The following PPP1R7 variants were observed in gnomAD, a reference collection of about 807,000 sequenced individuals.
PPP1R7 encodes the protein protein phosphatase 1 regulatory subunit 22.
In PPP1R7, 18 loss-of-function variants were observed where a neutral mutation model predicts 45.2. That is an observed-to-expected ratio of 0.40 (90% CI 0.28 to 0.59). The LOEUF (loss-of-function observed/expected upper bound fraction) is 0.59, where lower values mean the gene tolerates loss of function less well. Among genes scored for constraint, PPP1R7 ranks in the 20% least tolerant of loss-of-function variants. PPP1R7 has a pLI of 0.46. For missense variants in PPP1R7, 314 were observed against 455.8 expected (o/e 0.69, Z 2.83); for synonymous variants, 181 against 183.4 (o/e 0.99, Z 0.11).
upstream of PPP1R7, chr2:241,149,697 C>G: frequency 6.4e-7 from 1 of 1,551,148 alleles, no homozygotes; most frequent in East Asian, 2.4e-5. Flanking sequence ...TCCCGACTCG[C>G]GATCAAAATG....
At chr2:241,158,600 A>G (rs758776654) in intron 4 of PPP1R7, 51 bp downstream of exon 4, 1 of 1,560,566 alleles carries the variant, frequency 6.4e-7, no homozygotes. Context: ...TAGGATGTGG[A>G]TAAGTCCAGA....
intron 8 of PPP1R7, among the ~76,000 whole-genome samples, chr2:241,167,605 A>T (rs2067741817): frequency 6.6e-6 from 1 of 152,246 alleles, no homozygotes; most frequent in Admixed American, 6.5e-5. Context: ...ATCCACCGGG[A>T]GACAGACAAT....
At chr2:241,158,607 C>T in intron 4 of PPP1R7, 58 bp downstream of exon 4, 3 of 1,520,938 alleles carry the variant, frequency 2.0e-6, no homozygotes, top group Non-Finnish European at 2.7e-6. Context: ...TGGATAAGTC[C>T]AGAATCGAGC....
At chr2:241,157,727 G>C in intron 2 of PPP1R7, 80 bp from the exon 3 acceptor site, 1 of 1,411,696 alleles carries the variant, frequency 7.1e-7, no homozygotes, top group Non-Finnish European at 9.9e-7. Context: ...AACAGCCCCA[G>C]ACCTCAGCCA....
upstream of PPP1R7, chr2:241,149,580 C>A (rs2067185537): frequency 7.0e-7 from 1 of 1,430,502 alleles, no homozygotes; most frequent in Non-Finnish European, 9.5e-7. Context: ...AGTCTAGAAG[C>A]CCGCGCTAAG....
rs1375429082 is a variant in PPP1R7, at chr2:241,160,457, A to G, written c.560A>G (p.Gln187Arg). The G allele has an allele frequency of 1.2e-6, 2 of 1,611,626 alleles. No homozygotes were observed. Among genetic ancestry groups the G allele is most frequent in the East Asian group, 4.5e-5 (2 of 44,878 alleles). Residue 187 changes from glutamine (Q) to arginine (R), a missense_variant, in exon 6 of 10, where the codon CAA (glutamine) becomes CGA (arginine). By Grantham distance (43) the Gln-to-Arg change is conservative (BLOSUM62 1). This residue lies in a region of PPP1R7 where 168 missense variants were observed against 285.3 expected (regional missense o/e 0.59). Transcript: ENST00000234038. Reference protein sequence around the residue: ...SKIENLSNLHQLQMLELGSNR... With the variant: ...SKIENLSNLHRLQMLELGSNR... ...ATTGAGAACTTAAGCAACTTACATCAACTACAGATGCTAGAGCTGGGATCT... is the reference window on the plus strand; with the variant it reads ...ATTGAGAACTTAAGCAACTTACATCGACTACAGATGCTAGAGCTGGGATCT...
chr2:241,169,059 A>G (rs2067770055), intron 8 of PPP1R7, among the ~76,000 whole-genome samples: 1 of 152,234 alleles, frequency 6.6e-6, no homozygotes, highest in African/African-American at 2.4e-5. Context: ...CTTAGCTAAC[A>G]TGTATTGGAA....
intron 6 of PPP1R7, among the ~76,000 whole-genome samples, chr2:241,162,556 AAG>A (rs2067617758): frequency 1.3e-5 from 2 of 152,126 alleles, no homozygotes; most frequent in African/African-American, 2.4e-5. Flanking sequence ...GAAACTGGGC[AAG>A]AGGGGCAGAG....
At chr2:241,149,955 G>A, upstream of PPP1R7, 1 of 1,427,230 alleles carries the variant, frequency 7.0e-7, no homozygotes, top group South Asian at 1.5e-5. Flanking sequence ...GCGGCATTTC[G>A]CATGGGTAAA....
intron 7 of PPP1R7, among the ~76,000 whole-genome samples, chr2:241,164,985 T>C (rs1031121979): frequency 6.6e-6 from 1 of 152,002 alleles, no homozygotes; most frequent in Non-Finnish European, 1.5e-5. Context: ...GAGGAGGACA[T>C]TGCAGTGAGC....
chr2:241,161,879 C>T (rs1274307227), intron 6 of PPP1R7, among the ~76,000 whole-genome samples: 1 of 152,210 alleles, frequency 6.6e-6, no homozygotes, highest in East Asian at 1.9e-4. Context: ...TGGCACGGAG[C>T]CTTTGCTCCC....
intron 4 of PPP1R7, 92 bp from the exon 5 acceptor site, chr2:241,159,121 G>A (rs2067526356): frequency 2.8e-6 from 4 of 1,435,932 alleles, no homozygotes; most frequent in Non-Finnish European, 3.8e-6. Context: ...CCTTCTACCA[G>A]AAAGGCCTTT....
At chr2:241,178,794 G>C (rs1216078684) in intron 9 of PPP1R7, among the ~76,000 whole-genome samples, 1 of 144,610 alleles carries the variant, frequency 6.9e-6, no homozygotes, top group Non-Finnish European at 1.5e-5. Context: ...GGCCGTGCCT[G>C]TGTCTGGCAG....
At position 241,161,707 on chromosome 2, in the gene PPP1R7, C is replaced by T. The variant is rs77078619; in HGVS notation, c.597+1213C>T. Reference sequence around the variant, plus strand: ...TCTTCACCAGCTGACTCATAACCACCGTCATGTGCTGGAGGGGAACTTGGG... The same window carrying T: ...TCTTCACCAGCTGACTCATAACCACTGTCATGTGCTGGAGGGGAACTTGGG... On this transcript the variant is annotated intron_variant, in intron 6 of 9. Transcript: ENST00000234038. Among the ~76,000 whole-genome samples, 12 of 152,350 alleles carry T rather than the reference C, an allele frequency of 7.9e-5. No individual in the cohort carries two copies. The East Asian group carries it at 2.1e-3, about 27-fold the overall frequency.
intron 8 of PPP1R7, among the ~76,000 whole-genome samples, chr2:241,166,759 T>C (rs1237260151): frequency 6.6e-6 from 1 of 152,182 alleles, no homozygotes; most frequent in Non-Finnish European, 1.5e-5. Flanking sequence ...CACTGTGCAC[T>C]GCAGGCATTT....
At chr2:241,167,690 A>G (rs1357542629) in intron 8 of PPP1R7, among the ~76,000 whole-genome samples, 1 of 152,232 alleles carries the variant, frequency 6.6e-6, no homozygotes. Context: ...TTACCAGTAG[A>G]AGTGCTACAC....
intron 2 of PPP1R7, among the ~76,000 whole-genome samples, chr2:241,155,642 G>A (rs1277150350): frequency 3.9e-5 from 6 of 152,144 alleles, no homozygotes; most frequent in Admixed American, 2.6e-4. Flanking sequence ...AGTGGTGAGC[G>A]GCCAGCCCTG....
chr2:241,157,101 C>T (rs2067477099), intron 2 of PPP1R7, among the ~76,000 whole-genome samples: 2 of 152,192 alleles, frequency 1.3e-5, no homozygotes, highest in Admixed American at 6.5e-5. Flanking sequence ...TCTCCCTCCT[C>T]CGCACAGAGG....
intron 9 of PPP1R7, among the ~76,000 whole-genome samples, chr2:241,173,820 A>C (rs554250872): frequency 1.3e-5 from 2 of 152,078 alleles, no homozygotes; most frequent in African/African-American, 4.8e-5. Context: ...TCATGATCTT[A>C]TCATCTGTAG....
Sources: allele counts gnomAD v4.1 joint callset (sites outside exome capture counted in the v4.1 genomes callset), GRCh38; gene constraint gnomAD v4.1.1; regional missense constraint gnomAD v4.1.1; transcripts MANE v1.5; gene names NCBI Gene and HGNC (gene_info 2026-07-23, HGNC 2026-07-21).